FAM20C: variants seen among roughly 807,000 people sequenced by gnomAD.
FAM20C encodes the protein FAM20C golgi associated secretory pathway kinase, also known as extracellular serine/threonine protein kinase FAM20C.
In FAM20C, 40 loss-of-function variants were observed where a neutral mutation model predicts 51.5. The observed-to-expected ratio is 0.78, with a 90% CI of 0.60 to 1.01. The LOEUF (loss-of-function observed/expected upper bound fraction) is 1.01. Among genes scored for constraint, FAM20C ranks in the 50% least tolerant of loss-of-function variants. The pLI is 0.00. For missense variants in FAM20C, 861 were observed against 844.7 expected (o/e 1.02, Z -0.24); for synonymous variants, 406 against 380.6 (o/e 1.07, Z -0.78).
rs1451598113 is a variant in FAM20C, at chr7:246,467, G to A, written c.916G>A (p.Glu306Lys). The A allele has an allele frequency of 4.4e-6, 6 of 1,354,392 alleles. No homozygotes were observed. The highest frequency in any genetic ancestry group is 5.7e-6 in the Non-Finnish European group (6 of 1,052,588). 83.9% of individuals were successfully genotyped at this position (1,354,392 alleles called of 1,614,324 possible). ...TGACTTTTTTTATTTCTCTGACTACGAGAGGCACAATGCGGAGATTGCTGC... is the reference window on the plus strand; with the variant it reads ...TGACTTTTTTTATTTCTCTGACTACAAGAGGCACAATGCGGAGATTGCTGC... ...PPDFFYFSDYERHNAEIAAFH... is the reference protein window; with the variant it reads ...PPDFFYFSDYKRHNAEIAAFH... The change falls in exon 4 of 10, where the codon GAG becomes AAG. Residue 306 changes from glutamate (E) to lysine (K), a missense_variant. Physicochemically the swap from Glu to Lys is moderately conservative, Grantham distance 56. This residue lies in a region of FAM20C where 561 missense variants were observed against 499.8 expected (regional missense o/e 1.12). Transcript: ENST00000313766.
intron 8 of FAM20C, among the ~76,000 whole-genome samples, chr7:258,323 C>T (rs189624071): frequency 0.015 from 303 of 20,010 alleles, 28 homozygotes; most frequent in African/African-American, 0.03. Flanking sequence ...ACCCACTGCC[C>T]GGGGTGCTGG....
At chr7:227,165 G>C (rs1282452152) in intron 3 of FAM20C, among the ~76,000 whole-genome samples, 2 of 152,028 alleles carry the variant, frequency 1.3e-5, no homozygotes, top group Admixed American at 1.3e-4. Flanking sequence ...GCAATATCGA[G>C]GGTCTTTTTG....
chr7:256,868 C>T (rs1365189980), intron 7 of FAM20C, 105 bp downstream of exon 7: 2 of 1,412,742 alleles, frequency 1.4e-6, no homozygotes, highest in African/African-American at 2.8e-5. Flanking sequence ...CGGCTGCGGT[C>T]CTGTGGCCTG....
chr7:244,893 C>T (rs138328741), intron 3 of FAM20C, among the ~76,000 whole-genome samples: 16,315 of 152,248 alleles, frequency 0.11, 1,922 homozygotes, highest in African/African-American at 0.29. Flanking sequence ...ACATCTTTAA[C>T]CCCCCATAAG....
chr7:213,216 C>A (rs62430293), intron 3 of FAM20C, among the ~76,000 whole-genome samples: 2 of 131,834 alleles, frequency 1.5e-5, no homozygotes, highest in Non-Finnish European at 3.3e-5. Context: ...AGTGTGTAGT[C>A]CTTTGTGAGT....
At chr7:245,445 G>A (rs1026911763) in intron 3 of FAM20C, among the ~76,000 whole-genome samples, 1 of 151,908 alleles carries the variant, frequency 6.6e-6, no homozygotes, top group African/African-American at 2.4e-5. Flanking sequence ...GGCCAGCCTT[G>A]GTGGAGGAAG....
intron 3 of FAM20C, among the ~76,000 whole-genome samples, chr7:215,170 T>C (rs1057215483): frequency 4.0e-5 from 6 of 148,972 alleles, no homozygotes; most frequent in African/African-American, 1.5e-4. Flanking sequence ...AAGAGAAATG[T>C]ACAAAAGAGG....
intron 5 of FAM20C, among the ~76,000 whole-genome samples, chr7:254,190 C>A (rs933102720): frequency 1.3e-5 from 2 of 152,196 alleles, no homozygotes; most frequent in South Asian, 4.1e-4. Flanking sequence ...CCTCTCCGAA[C>A]CTCAGCTTGT....
chr7:230,378 G>A (rs1038527365), intron 3 of FAM20C, among the ~76,000 whole-genome samples: 4 of 106,110 alleles, frequency 3.8e-5, no homozygotes, highest in Admixed American at 1.7e-4. Context: ...GGGGTGGGGG[G>A]GGGGGGGAAC....
chr7:224,366 T>C lies in FAM20C; in HGVS notation c.863+15390T>C, dbSNP rs1434202885. ...CTTCTCTCACGGAGCAGAACGGCAC[T>C]GTCACGGGGTCACATGGCGGCTGTC... On this transcript the variant is annotated intron_variant, in intron 3 of 9. Transcript: ENST00000313766. Among the ~76,000 whole-genome samples the C allele has an allele frequency of 1.7e-3, 24 of 14,084 alleles. 1 individual carries two copies. The highest frequency in any genetic ancestry group is 1.8e-3 in the Non-Finnish European group (13 of 7,172). The allele number at this position is 14,084 out of a possible 152,430, so 9.2% of individuals were successfully genotyped here. A position where few individuals can be genotyped will look rare whatever the true frequency, so the allele number is the denominator to read the frequency against.
intron 9 of FAM20C, among the ~76,000 whole-genome samples, chr7:259,472 C>CTT (rs1420799501): frequency 3.2e-4 from 11 of 34,414 alleles, no homozygotes; most frequent in South Asian, 7.3e-4. Context: ...CTCTCTGTCT[C>CTT]GGTCTGCCTG....
chr7:247,450 T>C (rs147923013), intron 4 of FAM20C, among the ~76,000 whole-genome samples: 21,893 of 152,128 alleles, frequency 0.14, 1,807 homozygotes, highest in Non-Finnish European at 0.19. Context: ...GCCGGCAGCA[T>C]TGGGGTTGCC....
chr7:194,950 G>A (rs191064149), intron 1 of FAM20C, among the ~76,000 whole-genome samples: 23 of 152,360 alleles, frequency 1.5e-4, no homozygotes, highest in African/African-American at 5.3e-4. Context: ...GACAGGCTGC[G>A]TGGGCGGCGG....
chr7:211,173 ACCTCCCCCAACCTCCCTCAG>A (rs1297032139), intron 3 of FAM20C, among the ~76,000 whole-genome samples: 2 of 58,996 alleles, frequency 3.4e-5, no homozygotes, highest in African/African-American at 5.8e-5. Context: ...GCCTCCGCCA[ACCTCCCCCAACCTCCCTCAG>A]CCTCCTCCAA....
At chr7:243,759 T>A (rs1369793921) in intron 3 of FAM20C, among the ~76,000 whole-genome samples, 2 of 151,058 alleles carry the variant, frequency 1.3e-5, no homozygotes, top group Non-Finnish European at 2.9e-5. Flanking sequence ...GGGAGACCTG[T>A]GCCACCCAGG....
At chr7:203,966 G>A (rs530890196) in intron 2 of FAM20C, among the ~76,000 whole-genome samples, 2 of 152,276 alleles carry the variant, frequency 1.3e-5, no homozygotes, top group East Asian at 1.9e-4. Flanking sequence ...TCGTCACTTC[G>A]TTATTATCTT....
chr7:228,709 TC>T, intron 3 of FAM20C: 1 of 456,268 alleles, frequency 2.2e-6, no homozygotes, highest in South Asian at 1.5e-5. Context: ...GCTGCCAGCC[TC>T]CACGGCACCT....
intron 3 of FAM20C, among the ~76,000 whole-genome samples, chr7:209,309 C>T (rs969506433): frequency 2.0e-5 from 3 of 152,230 alleles, no homozygotes; most frequent in Admixed American, 1.3e-4. Context: ...GTGACGTCCG[C>T]ACCTTCCCAG....
At chr7:217,396 C>G (rs1787041029) in intron 3 of FAM20C, among the ~76,000 whole-genome samples, 1 of 152,286 alleles carries the variant, frequency 6.6e-6, no homozygotes. Flanking sequence ...GCTCCAGCCC[C>G]TCCCGGGTGC....
Sources: gnomAD v4.1 joint callset for allele counts (sites outside exome capture counted in the v4.1 genomes callset) on GRCh38, gnomAD v4.1.1 for gene constraint, gnomAD v4.1.1 regional missense constraint, MANE v1.5 for transcripts, NCBI Gene and HGNC (gene_info 2026-07-23, HGNC 2026-07-21) for gene names.